SPATA6: variants seen among roughly 807,000 people sequenced by gnomAD.
SPATA6 encodes the protein spermatogenesis-associated protein 6.
In SPATA6, 56 loss-of-function variants were observed where a neutral mutation model predicts 65.3. The observed-to-expected ratio is 0.86, with a 90% CI of 0.69 to 1.07. The LOEUF (loss-of-function observed/expected upper bound fraction) is 1.07. Among genes scored for constraint, SPATA6 ranks in the 50% least tolerant of loss-of-function variants. The probability of loss-of-function intolerance (pLI) is 0.00; values close to 1 mark genes in which losing one functional copy is unlikely to be tolerated. For missense variants in SPATA6, 590 were observed against 594.8 expected (o/e 0.99, Z 0.08); for synonymous variants, 199 against 213.2 (o/e 0.93, Z 0.58).
intron 3 of SPATA6, chr1:48,437,215 G>C: frequency 6.2e-7 from 1 of 1,612,508 alleles, no homozygotes; most frequent in Non-Finnish European, 8.5e-7. Context: ...CTCATACTTG[G>C]AATTCTAGGG....
At chr1:48,466,703 A>T (rs540474086) in intron 1 of SPATA6, among the ~76,000 whole-genome samples, 2 of 151,940 alleles carry the variant, frequency 1.3e-5, no homozygotes, top group Non-Finnish European at 2.9e-5. Flanking sequence ...AAAATTTTTT[A>T]AAGTCTATAT....
At chr1:48,266,703 T>C in the SPATA6 span, among the ~76,000 whole-genome samples, 1 of 152,198 alleles carries the variant, frequency 6.6e-6, no homozygotes, top group Non-Finnish European at 1.5e-5. Flanking sequence ...CATCTTTTCT[T>C]TCATTTGGCA....
chr1:48,282,749 T>C, the SPATA6 span, among the ~76,000 whole-genome samples: 3 of 152,230 alleles, frequency 2.0e-5, no homozygotes, highest in South Asian at 6.2e-4. Flanking sequence ...TGCAAACTAG[T>C]TCAACCATTG....
intron 9 of SPATA6, 31 bp from the exon 10 acceptor site, chr1:48,359,801 A>G: frequency 6.6e-7 from 1 of 1,504,048 alleles, no homozygotes; most frequent in Non-Finnish European, 9.0e-7. Context: ...ATATAGATAT[A>G]CAAATACAGA....
At chr1:48,359,810 G>T in intron 9 of SPATA6, 40 bp from the exon 10 acceptor site, 2 of 1,423,234 alleles carry the variant, frequency 1.4e-6, no homozygotes, top group Non-Finnish European at 1.9e-6. Context: ...TACAAATACA[G>T]ATACATATGT....
chr1:48,272,069 TA>T, the SPATA6 span, among the ~76,000 whole-genome samples: 1 of 152,098 alleles, frequency 6.6e-6, no homozygotes, highest in African/African-American at 2.4e-5. Context: ...ATCATTGACA[TA>T]AAAAAATTTA....
intron 2 of SPATA6, 63 bp downstream of exon 2, chr1:48,452,931 T>C: frequency 6.4e-7 from 1 of 1,555,726 alleles, no homozygotes; most frequent in Non-Finnish European, 8.7e-7. Context: ...TAGGCTTTTA[T>C]TCAAAAATTG....
Position 48,366,524 on chromosome 1 carries a change from G to C in SPATA6, c.910-6754C>G, listed in dbSNP as rs376835518. Among the ~76,000 whole-genome samples the C allele has an allele frequency of 1.2e-4, 18 of 152,322 alleles. No homozygotes were observed. The East Asian group carries it at 1.3e-3, about 11-fold the overall frequency. ...CAACTTCTTCCTGGTTTACTCTTGG[G>C]AGGGTGTATGTGTCTACGAATTTAT... is the stretch of plus-strand genomic sequence containing the variant. On this transcript the variant is annotated intron_variant, in intron 9 of 12. Transcript: ENST00000371847.
chr1:48,433,075 G>A (rs934677581), intron 3 of SPATA6, among the ~76,000 whole-genome samples: 1 of 152,124 alleles, frequency 6.6e-6, no homozygotes, highest in Non-Finnish European at 1.5e-5. Context: ...GAGATACTCA[G>A]AGTACTCAAA....
the SPATA6 span, among the ~76,000 whole-genome samples, chr1:48,281,935 A>G: frequency 5.9e-5 from 9 of 152,210 alleles, no homozygotes; most frequent in African/African-American, 2.2e-4. Context: ...TTCAAACTAT[A>G]CTACAAGGTT....
At chr1:48,379,601 T>C (rs952102505) in intron 9 of SPATA6, among the ~76,000 whole-genome samples, 2 of 152,152 alleles carry the variant, frequency 1.3e-5, no homozygotes, top group Admixed American at 6.5e-5. Flanking sequence ...TACTTGAAAA[T>C]TGCTAAGACA....
At chr1:48,373,806 C>A (rs1193386136) in intron 9 of SPATA6, among the ~76,000 whole-genome samples, 1 of 152,168 alleles carries the variant, frequency 6.6e-6, no homozygotes, top group Non-Finnish European at 1.5e-5. Flanking sequence ...TCTCTTGACA[C>A]TTACTTACTA....
intron 11 of SPATA6, among the ~76,000 whole-genome samples, chr1:48,312,020 GA>G (rs1213604460): frequency 6.6e-6 from 1 of 152,208 alleles, no homozygotes; most frequent in Non-Finnish European, 1.5e-5. Flanking sequence ...GAGGCTGGGG[GA>G]GGGGCGCCCA....
chr1:48,340,482 T>A (rs2148760906), intron 11 of SPATA6, among the ~76,000 whole-genome samples: 1 of 151,204 alleles, frequency 6.6e-6, no homozygotes, highest in East Asian at 1.9e-4. Flanking sequence ...ATGCAAATGC[T>A]CTAATCTAGA....
At chr1:48,341,442 C>T (rs1007393893) in intron 11 of SPATA6, among the ~76,000 whole-genome samples, 4 of 152,112 alleles carry the variant, frequency 2.6e-5, no homozygotes, top group Non-Finnish European at 4.4e-5. Context: ...ATACCCACGC[C>T]GTATACACTA....
rs543984988 is a variant in SPATA6 at position 48,397,716 on chromosome 1, C to T, written c.780+1635G>A. On this transcript the variant is annotated intron_variant, in intron 7 of 12. Transcript: ENST00000371847. ...GGAGGAAAAAAAATCTCTATGTTTA[C>T]AAACACAATCGGAAAATCCACTTTC... 4.0e-5 allele frequency among the ~76,000 whole-genome samples: 6 copies of T among 151,684 alleles called. No homozygotes were observed. In the East Asian group the frequency reaches 1.2e-3, roughly 29 times the overall value.
chr1:48,388,122 C>T (rs1649674179), intron 8 of SPATA6, among the ~76,000 whole-genome samples: 1 of 152,172 alleles, frequency 6.6e-6, no homozygotes, highest in South Asian at 2.1e-4. Context: ...ACCACTGCGA[C>T]CCAAAGACTA....
intron 9 of SPATA6, 49 bp from the exon 10 acceptor site, chr1:48,359,819 G>A (rs1428634656): frequency 1.4e-6 from 2 of 1,409,014 alleles, no homozygotes; most frequent in South Asian, 1.4e-5. Context: ...AGATACATAT[G>A]TATATAACAT....
At chr1:48,329,883 C>T (rs7543970) in intron 11 of SPATA6, among the ~76,000 whole-genome samples, 64,868 of 152,032 alleles carry the variant, frequency 0.43, 14,957 homozygotes, top group African/African-American at 0.62. Context: ...AGAATCACCC[C>T]GTCACCCATC....
Sources: allele counts gnomAD v4.1 joint callset (sites outside exome capture counted in the v4.1 genomes callset), GRCh38; gene constraint gnomAD v4.1.1; transcripts MANE v1.5; gene names NCBI Gene and HGNC (gene_info 2026-07-23, HGNC 2026-07-21).